The following RABGAP1L variants were observed in gnomAD, a reference collection of about 807,000 sequenced individuals.
RABGAP1L encodes the protein rab GTPase-activating protein 1-like.
Under a neutral mutation model 137.7 loss-of-function variants are expected in RABGAP1L, and 63 were observed. The ratio of observed to expected loss-of-function variants is 0.46; its 90% confidence interval spans 0.37 to 0.56. The LOEUF (loss-of-function observed/expected upper bound fraction) is 0.56, where lower values mean the gene tolerates loss of function less well. Ranked by LOEUF, RABGAP1L falls within the 20% of genes least tolerant of loss-of-function variation. The pLI, the probability that RABGAP1L is intolerant of heterozygous loss-of-function variation, is 0.00. For missense variants in RABGAP1L, 1,095 were observed against 1,244.0 expected, an observed-to-expected ratio of 0.88 and a Z score of 1.80; for synonymous variants, 431 against 433.7, an observed-to-expected ratio of 0.99 and a Z score of 0.08.
At position 174,961,450 on chromosome 1, in the gene RABGAP1L, A is replaced by G. The variant is rs574673092; in HGVS notation, c.2433+3901A>G. Among the ~76,000 whole-genome samples the G allele has an allele frequency of 3.0e-4, 45 of 152,340 alleles. No individual in the cohort carries two copies. The South Asian group carries it at 9.1e-3, about 31-fold the overall frequency. On this transcript the variant is annotated intron_variant, in intron 20 of 25. Coordinates refer to ENST00000681986, the MANE Select transcript of RABGAP1L (RefSeq NM_001366446.1). ...TCTAGTGATGGTATCAGTTGCTGGTACTTTTTGGAGATCTGTAGCCTTCAT... is the reference window on the plus strand; with the variant it reads ...TCTAGTGATGGTATCAGTTGCTGGTGCTTTTTGGAGATCTGTAGCCTTCAT...
At chr1:174,253,602 A>G (rs1454771473) in intron 7 of RABGAP1L, among the ~76,000 whole-genome samples, 1 of 152,146 alleles carries the variant, frequency 6.6e-6, no homozygotes, top group Non-Finnish European at 1.5e-5. Context: ...TGTTATGCCA[A>G]AAAGGAAGTG....
At chr1:174,576,855 A>G (rs897818159) in intron 13 of RABGAP1L, among the ~76,000 whole-genome samples, 1 of 152,152 alleles carries the variant, frequency 6.6e-6, no homozygotes, top group Non-Finnish European at 1.5e-5. Flanking sequence ...TAGTTGCTAA[A>G]TAACGGAGCT....
At chr1:174,958,053 C>T (rs1668758451) in intron 20 of RABGAP1L, 1 of 1,526,942 alleles carries the variant, frequency 6.5e-7, no homozygotes, top group East Asian at 2.5e-5. Context: ...GTCATATCCA[C>T]AAAGACTTTT....
At chr1:174,673,545 T>C (rs1677343885) in intron 14 of RABGAP1L, among the ~76,000 whole-genome samples, 1 of 152,228 alleles carries the variant, frequency 6.6e-6, no homozygotes, top group Non-Finnish European at 1.5e-5. Context: ...TATTAATTTC[T>C]GCTAATGAAA....
At chr1:174,885,541 A>C (rs547592149) in intron 19 of RABGAP1L, among the ~76,000 whole-genome samples, 3 of 152,192 alleles carry the variant, frequency 2.0e-5, no homozygotes, top group Non-Finnish European at 4.4e-5. Flanking sequence ...ATTTTTGTAG[A>C]GATGGGGTTT....
At chr1:174,509,527 C>T (rs868216722) in intron 13 of RABGAP1L, among the ~76,000 whole-genome samples, 1 of 151,794 alleles carries the variant, frequency 6.6e-6, no homozygotes, top group Non-Finnish European at 1.5e-5. Flanking sequence ...TGCCCTTTTT[C>T]CCCCCAAATC....
At chr1:174,556,281 C>CCA (rs1233599647) in intron 13 of RABGAP1L, among the ~76,000 whole-genome samples, 2 of 151,954 alleles carry the variant, frequency 1.3e-5, no homozygotes, top group Non-Finnish European at 2.9e-5. Context: ...CAGGCGTGAG[C>CCA]CACCACTCCT....
chr1:174,318,313 T>G (rs1290832064), intron 11 of RABGAP1L, among the ~76,000 whole-genome samples: 1 of 152,182 alleles, frequency 6.6e-6, no homozygotes, highest in Non-Finnish European at 1.5e-5. Context: ...CTGCTCTGCT[T>G]TGGTTTTTAT....
chr1:174,822,898 G>T (rs190039991), intron 19 of RABGAP1L, among the ~76,000 whole-genome samples: 57 of 152,242 alleles, frequency 3.7e-4, no homozygotes, highest in Admixed American at 4.6e-4. Flanking sequence ...TCATTTTCTG[G>T]CAGTTCATTA....
chr1:174,426,724 A>C lies in RABGAP1L; in HGVS notation c.1710+32579A>C, dbSNP rs116173354. 9.0e-3 allele frequency among the ~76,000 whole-genome samples: 1,376 copies of C among 152,128 alleles called. 24 individuals carry two copies. Among genetic ancestry groups the C allele is most frequent in the African/African-American group, 0.032 (1,327 of 41,524 alleles). On this transcript the variant is annotated intron_variant, in intron 13 of 25. Transcript: ENST00000681986. ...TAGTGTTCTGATTTTTAAATACCCA[A>C]TTTACCATCTTATTAGTACATTTAG...
At chr1:174,742,731 A>G (rs1683547069) in intron 17 of RABGAP1L, among the ~76,000 whole-genome samples, 1 of 152,186 alleles carries the variant, frequency 6.6e-6, no homozygotes, top group African/African-American at 2.4e-5. Flanking sequence ...TAACTGTAAA[A>G]CAATATAATC....
At chr1:174,856,125 A>G (rs1227130517) in intron 19 of RABGAP1L, among the ~76,000 whole-genome samples, 3 of 152,206 alleles carry the variant, frequency 2.0e-5, no homozygotes, top group African/African-American at 7.2e-5. Flanking sequence ...AGCTGGACGC[A>G]GTGGCTCACG....
intron 13 of RABGAP1L, among the ~76,000 whole-genome samples, chr1:174,565,883 C>CTTTTTTTTTTTT (rs1557854563): frequency 7.5e-6 from 1 of 133,186 alleles, no homozygotes; most frequent in Non-Finnish European, 1.6e-5. Flanking sequence ...GAATCCTTTA[C>CTTTTTTTTTTTT]ATTTTTTTTT....
At chr1:174,484,035 AG>A (rs935136536) in intron 13 of RABGAP1L, among the ~76,000 whole-genome samples, 2 of 152,146 alleles carry the variant, frequency 1.3e-5, no homozygotes, top group African/African-American at 4.8e-5. Flanking sequence ...CAGTGTAGGA[AG>A]GTTCCCTTTT....
intron 17 of RABGAP1L, among the ~76,000 whole-genome samples, chr1:174,724,571 A>G (rs1681835698): frequency 6.6e-6 from 1 of 152,204 alleles, no homozygotes; most frequent in Non-Finnish European, 1.5e-5. Flanking sequence ...AGAGATATTC[A>G]CTGAAAGGAA....
chr1:174,920,450 T>C (rs1661607984), intron 19 of RABGAP1L, among the ~76,000 whole-genome samples: 1 of 152,214 alleles, frequency 6.6e-6, no homozygotes, highest in African/African-American at 2.4e-5. Flanking sequence ...TCTGACCAGG[T>C]TCCTCTCACA....
chr1:174,724,122 C>CT (rs1316021653), intron 17 of RABGAP1L, among the ~76,000 whole-genome samples: 1 of 152,126 alleles, frequency 6.6e-6, no homozygotes, highest in African/African-American at 2.4e-5. Context: ...ACCAAATTGT[C>CT]TAACAGTGCT....
At chr1:174,904,648 C>G (rs922044011) in intron 19 of RABGAP1L, among the ~76,000 whole-genome samples, 1 of 151,722 alleles carries the variant, frequency 6.6e-6, no homozygotes, top group African/African-American at 2.4e-5. Flanking sequence ...TTCTTTTTTT[C>G]TTTTCTTTTT....
chr1:174,706,414 A>C (rs1680050622), intron 17 of RABGAP1L, among the ~76,000 whole-genome samples: 1 of 152,168 alleles, frequency 6.6e-6, no homozygotes, highest in Admixed American at 6.5e-5. Context: ...TCTTTTAGTC[A>C]GTAACTGAAA....
Sources: gnomAD v4.1 joint callset for allele counts (sites outside exome capture counted in the v4.1 genomes callset) on GRCh38, gnomAD v4.1.1 for gene constraint, MANE v1.5 for transcripts, NCBI Gene and HGNC (gene_info 2026-07-23, HGNC 2026-07-21) for gene names.